The following PCDH11X variants were observed in gnomAD, a reference collection of about 807,000 sequenced individuals.
The protein encoded by PCDH11X is protocadherin-11 X-linked.
In PCDH11X, 18 loss-of-function variants were observed where a neutral mutation model predicts 53.3. The observed-to-expected ratio is 0.34, with a 90% confidence interval of 0.23 to 0.50. The LOEUF (loss-of-function observed/expected upper bound fraction) is 0.50, where lower values mean the gene tolerates loss of function less well. PCDH11X is among the 20% of genes least tolerant of loss of function. The pLI, the probability that PCDH11X is intolerant of heterozygous loss-of-function variation, is 0.98. For synonymous variants in PCDH11X, 279 were observed against 393.3 expected (o/e 0.71, Z 3.44); for missense variants, 570 against 1,032.4 (o/e 0.55, Z 6.14).
intron 6 of PCDH11X, among the ~76,000 whole-genome samples, chrX:92,002,214 G>T (rs150862910): frequency 5.4e-5 from 6 of 110,471 alleles, no homozygotes; most frequent in African/African-American, 2.0e-4. Context: ...TCACTCTTGG[G>T]GTGTGGATTT....
At chrX:92,295,408 T>A (rs1041171394) in intron 8 of PCDH11X, among the ~76,000 whole-genome samples, 2 of 111,206 alleles carry the variant, frequency 1.8e-5, no homozygotes, top group East Asian at 2.9e-4. Flanking sequence ...GAATATTCTA[T>A]ATACAGGATC....
intron 6 of PCDH11X, among the ~76,000 whole-genome samples, chrX:92,083,862 G>A (rs192775324): frequency 9.0e-6 from 1 of 111,447 alleles, no homozygotes; most frequent in East Asian, 2.8e-4. Context: ...AGGCTGAGGA[G>A]GGAGAATCAT....
At chrX:92,087,956 GAAATATA>G (rs1442891048) in intron 6 of PCDH11X, among the ~76,000 whole-genome samples, 2 of 97,415 alleles carry the variant, frequency 2.1e-5, no homozygotes, top group African/African-American at 8.4e-5. Flanking sequence ...ATATATATAA[GAAATATA>G]TATAAGAAAT....
At chrX:91,867,567 A>G (rs1939054969) in intron 5 of PCDH11X, among the ~76,000 whole-genome samples, 1 of 108,829 alleles carries the variant, frequency 9.2e-6, no homozygotes, top group African/African-American at 3.4e-5. Flanking sequence ...TTAAAGCAGG[A>G]AAGTATGAGT....
chrX:91,828,898 G>T (rs2147604460), intron 4 of PCDH11X, among the ~76,000 whole-genome samples: 1 of 110,992 alleles, frequency 9.0e-6, no homozygotes, highest in East Asian at 2.8e-4. Context: ...TTGTTTTACA[G>T]ACCATCAACT....
chrX:92,498,838 A>G (rs995538395), intron 10 of PCDH11X, among the ~76,000 whole-genome samples: 2 of 105,854 alleles, frequency 1.9e-5, no homozygotes, highest in Non-Finnish European at 3.9e-5. Context: ...TACCCAATGA[A>G]AGATAAATCC....
At chrX:92,485,627 A>G (rs1484399656) in intron 10 of PCDH11X, among the ~76,000 whole-genome samples, 2 of 112,092 alleles carry the variant, frequency 1.8e-5, no homozygotes, top group African/African-American at 3.2e-5. Context: ...ACTTAGAAGA[A>G]ACATTTCTTA....
At chrX:92,245,319 G>A (rs1412004138) in intron 7 of PCDH11X, among the ~76,000 whole-genome samples, 1 of 112,193 alleles carries the variant, frequency 8.9e-6, no homozygotes, top group Non-Finnish European at 1.9e-5. Context: ...CTGGCAGCAT[G>A]ATAGATATTG....
At chrX:91,984,984 T>G (rs182715686) in intron 6 of PCDH11X, among the ~76,000 whole-genome samples, 32 of 111,335 alleles carry the variant, frequency 2.9e-4, no homozygotes, top group Admixed American at 2.5e-3. Flanking sequence ...TCCCATAACC[T>G]GCACACCCGC....
chrX:92,051,358 C>T (rs765767906), intron 6 of PCDH11X, among the ~76,000 whole-genome samples: 1 of 111,489 alleles, frequency 9.0e-6, no homozygotes, highest in East Asian at 2.8e-4. Flanking sequence ...GGCATTGGTA[C>T]TTCAAAAGAG....
chrX:92,010,954 C>T (rs2062680381), intron 6 of PCDH11X, among the ~76,000 whole-genome samples: 2 of 111,109 alleles, frequency 1.8e-5, no homozygotes, highest in South Asian at 7.6e-4. Flanking sequence ...TTAGCTCCTA[C>T]TTATAAGTGA....
At chrX:92,535,642 T>A (rs192661857) in intron 10 of PCDH11X, among the ~76,000 whole-genome samples, 1,985 of 111,333 alleles carry the variant, frequency 0.018, 53 homozygotes, top group African/African-American at 0.061. Context: ...ACCCTGCAAA[T>A]GTACTCTTGA....
intron 8 of PCDH11X, among the ~76,000 whole-genome samples, chrX:92,360,000 T>A (rs774419481): frequency 1.8e-5 from 2 of 111,265 alleles, no homozygotes; most frequent in African/African-American, 6.5e-5. Flanking sequence ...AATCTCTCCA[T>A]CAAGTTTTAT....
intron 4 of PCDH11X, among the ~76,000 whole-genome samples, chrX:91,830,987 A>G (rs1294496173): frequency 8.9e-6 from 1 of 111,766 alleles, no homozygotes; most frequent in Admixed American, 9.6e-5. Context: ...CAAGGAAATT[A>G]TGCCTTGAAA....
intron 7 of PCDH11X, among the ~76,000 whole-genome samples, chrX:92,246,267 CAGT>C (rs933577366): frequency 9.0e-6 from 1 of 111,539 alleles, no homozygotes; most frequent in Non-Finnish European, 1.9e-5. Context: ...CATGAACTCC[CAGT>C]AGTATAATAT....
At chrX:91,981,363 C>T (rs1348750606) in intron 6 of PCDH11X, among the ~76,000 whole-genome samples, 1 of 109,718 alleles carries the variant, frequency 9.1e-6, no homozygotes, top group African/African-American at 3.3e-5. Flanking sequence ...TTTGGCTTGT[C>T]CTTGCCGAAA....
chrX:91,894,773 A>G (rs1243150231), intron 6 of PCDH11X, among the ~76,000 whole-genome samples: 1 of 111,238 alleles, frequency 9.0e-6, no homozygotes, highest in Non-Finnish European at 1.9e-5. Flanking sequence ...CAGAATCCCA[A>G]GAGACAACTC....
At chrX:92,171,817 C>T (rs1457503237) in intron 6 of PCDH11X, among the ~76,000 whole-genome samples, 1 of 110,909 alleles carries the variant, frequency 9.0e-6, no homozygotes, top group African/African-American at 3.3e-5. Context: ...AATAATGTTG[C>T]CATCTTGACA....
intron 6 of PCDH11X, among the ~76,000 whole-genome samples, chrX:92,163,742 C>A (rs2065683245): frequency 9.0e-6 from 1 of 110,814 alleles, no homozygotes; most frequent in Non-Finnish European, 1.9e-5. Context: ...TCTGTGGATT[C>A]TCTTGGCTTT....
Sources: allele counts gnomAD v4.1 joint callset (sites outside exome capture counted in the v4.1 genomes callset), GRCh38; gene constraint gnomAD v4.1.1; transcripts MANE v1.5; gene names NCBI Gene and HGNC (gene_info 2026-07-23, HGNC 2026-07-21).